MFSD2A: variants seen among roughly 807,000 people sequenced by gnomAD.
MFSD2A encodes sodium-dependent lysophosphatidylcholine symporter 1.
MFSD2A carries 27 observed loss-of-function variants against 64.7 expected under a neutral mutation model. The observed-to-expected ratio is 0.42, with a 90% CI of 0.31 to 0.58. The LOEUF (loss-of-function observed/expected upper bound fraction) is 0.58, where lower values mean the gene tolerates loss of function less well. Ranked by LOEUF, MFSD2A falls within the 20% of genes least tolerant of loss-of-function variation. The probability of loss-of-function intolerance (pLI) is 0.18; values close to 1 mark genes in which losing one functional copy is unlikely to be tolerated. For synonymous variants in MFSD2A, 258 were observed against 273.4 expected, an observed-to-expected ratio of 0.94 and a Z score of 0.55; for missense variants, 474 against 679.5, an observed-to-expected ratio of 0.70 and a Z score of 3.36.
rs1297205577 is a variant in MFSD2A, at chr1:39,960,515, C to T, written c.353+1690C>T. On this transcript the variant is annotated intron_variant, in intron 3 of 13. Transcript: ENST00000372811. This position sits in a 1 kb window ranked among gnomAD's most constrained non-coding sequence, Gnocchi z 4.8. Reference sequence around the variant, plus strand: ...GCTCCCCCGGCGCCAGCCCGTGAGACTTGGCCCTGTGCCCGCCTCCCTGGC... The same window carrying T: ...GCTCCCCCGGCGCCAGCCCGTGAGATTTGGCCCTGTGCCCGCCTCCCTGGC... 6.6e-6 allele frequency among the ~76,000 whole-genome samples: 1 copy of T among 152,252 alleles called. No individual in the cohort carries two copies. The highest frequency in any genetic ancestry group is 1.5e-5 in the Non-Finnish European group (1 of 68,044).
At chr1:39,967,550 C>T in intron 9 of MFSD2A, 78 bp from the exon 10 acceptor site, 1 of 1,374,034 alleles carries the variant, frequency 7.3e-7, no homozygotes, top group South Asian at 1.2e-5. Context: ...CTGGGAGCCA[C>T]TTTGGGGTTC....
At position 39,958,919 on chromosome 1, in the gene MFSD2A, G is replaced by C; in HGVS notation, c.353+94G>C. 1 of 1,429,934 alleles carries C rather than the reference G, an allele frequency of 7.0e-7. No homozygotes were observed. Among genetic ancestry groups the C allele is most frequent in the Non-Finnish European group, 9.4e-7 (1 of 1,060,826 alleles). 88.6% of individuals were successfully genotyped at this position (1,429,934 alleles called of 1,614,324 possible). A position where few individuals can be genotyped will look rare whatever the true frequency, so the allele number is the denominator to read the frequency against. ...CTCTCTGTCTTGTCACAGGCAGAAG[G>C]GTGAGGAGAAGGAAGGAGTTAAAAG... On this transcript the variant is annotated intron_variant, in intron 3 of 13. Transcript: ENST00000372811. The surrounding 1 kb of genome is among the most constrained non-coding windows in gnomAD (Gnocchi z 4.7).
intron 13 of MFSD2A, among the ~76,000 whole-genome samples, chr1:39,969,049 A>G (rs1235412207): frequency 6.6e-6 from 1 of 152,096 alleles, no homozygotes; most frequent in Non-Finnish European, 1.5e-5. Context: ...CAACAACCCT[A>G]AGTATCAGGT....
intron 9 of MFSD2A, 71 bp from the exon 10 acceptor site, chr1:39,967,557 G>A: frequency 7.0e-7 from 1 of 1,436,366 alleles, no homozygotes; most frequent in African/African-American, 1.4e-5. Flanking sequence ...CCACTTTGGG[G>A]TTCTGGGAAG....
chr1:39,960,934 G>A lies in MFSD2A; in HGVS notation c.353+2109G>A, dbSNP rs1645026600. Among the ~76,000 whole-genome samples, 2 of 152,192 alleles carry A rather than the reference G, an allele frequency of 1.3e-5. No individual in the cohort carries two copies. The highest frequency in any genetic ancestry group is 6.5e-5 in the Admixed American group (1 of 15,278). On this transcript the variant is annotated intron_variant, in intron 3 of 13. Coordinates refer to ENST00000372811, the MANE Select transcript of MFSD2A (RefSeq NM_032793.5). The surrounding 1 kb of genome is among the most constrained non-coding windows in gnomAD (Gnocchi z 4.8). ...GCCTGTGTATGCCTGCACGCGGGAT[G>A]GCTCGTGGGCTGAAGGCTGGTGTGC...
chr1:39,968,084 C>A lies in MFSD2A; in HGVS notation c.1208+168C>A. On this transcript the variant is annotated intron_variant, in intron 11 of 13. Transcript: ENST00000372811. This position sits in a 1 kb window ranked among gnomAD's most constrained non-coding sequence, Gnocchi z 4.4. ...ACAGTTGTACAGGTAGTGAGCTTTGCAAGAACACCTAGTCAGAGTGAAAAA... is the reference window on the plus strand; with the variant it reads ...ACAGTTGTACAGGTAGTGAGCTTTGAAAGAACACCTAGTCAGAGTGAAAAA... The A allele has an allele frequency of 1.6e-6, 1 of 642,294 alleles. No homozygotes were observed. Among genetic ancestry groups the A allele is most frequent in the Non-Finnish European group, 2.7e-6 (1 of 374,252 alleles). 39.8% of individuals were successfully genotyped at this position (642,294 alleles called of 1,614,324 possible). A position where few individuals can be genotyped will look rare whatever the true frequency, so the allele number is the denominator to read the frequency against.
Position 39,957,121 on chromosome 1 carries a change from T to C in MFSD2A, c.128T>C (p.Val43Ala), listed in dbSNP as rs756621376. 20 of 1,614,098 alleles carry C rather than the reference T, an allele frequency of 1.2e-5. No homozygotes were observed. The highest frequency in any genetic ancestry group is 1.7e-5 in the Non-Finnish European group (20 of 1,179,998). ...EPKKKKQQLSVCNKLCYALGG... is the reference protein window; with the variant it reads ...EPKKKKQQLSACNKLCYALGG... ...AAAAAGAAGAAACAACAGTTGTCTGTTTGCAACAAGCTTTGCTATGCACTT... is the reference window on the plus strand; with the variant it reads ...AAAAAGAAGAAACAACAGTTGTCTGCTTGCAACAAGCTTTGCTATGCACTT... The change falls in exon 2 of 14, where the codon GTT (valine) becomes GCT (alanine). Residue 43 changes from valine (V) to alanine (A), a missense_variant. Val to Ala is a moderately conservative substitution (Grantham distance 64, BLOSUM62 0). Coordinates refer to ENST00000372811, the MANE Select transcript of MFSD2A (RefSeq NM_032793.5).
At chr1:39,961,985 C>G (rs1040505649) in intron 3 of MFSD2A, among the ~76,000 whole-genome samples, 1 of 152,206 alleles carries the variant, frequency 6.6e-6, no homozygotes, top group Non-Finnish European at 1.5e-5. Flanking sequence ...GTTACGCATG[C>G]CAACTCTCCT....
At position 39,968,897 on chromosome 1, in the gene MFSD2A, G is replaced by T. The variant is rs1312238210; in HGVS notation, c.1529+152G>T. The T allele has an allele frequency of 2.4e-6, 2 of 823,158 alleles. No individual in the cohort carries two copies. The highest frequency in any genetic ancestry group is 3.8e-6 in the Non-Finnish European group (2 of 531,504). 51.0% of individuals were successfully genotyped at this position (823,158 alleles called of 1,614,324 possible). On this transcript the variant is annotated intron_variant, in intron 13 of 13. Coordinates refer to ENST00000372811, the MANE Select transcript of MFSD2A (RefSeq NM_032793.5). The surrounding 1 kb of genome is among the most constrained non-coding windows in gnomAD (Gnocchi z 4.4). ...AAGTACGCACCAGGCACTGTGTTAA[G>T]TGGTCTTACCTTTATTCAACAAATA...
In MFSD2A at chr1:39,966,584, C is replaced by G. The variant is rs779979595; in HGVS notation, c.715-17C>G. ...TCAAACTGACCATCCTTGTATGTCG[C>G]CTTCACCTCCTTATAGCAAAAGGCA... On this transcript the variant is annotated splice_polypyrimidine_tract_variant and intron_variant, in intron 6 of 13. Transcript: ENST00000372811. 8.8e-6 allele frequency: 14 copies of G among 1,594,090 alleles called. No individual in the cohort carries two copies. Among genetic ancestry groups the G allele is most frequent in the East Asian group, 2.2e-5 (1 of 44,746 alleles).
chr1:39,960,093 C>A lies in MFSD2A; in HGVS notation c.353+1268C>A, dbSNP rs538533641. 6.6e-6 allele frequency among the ~76,000 whole-genome samples: 1 copy of A among 152,376 alleles called. No homozygotes were observed. Among genetic ancestry groups the A allele is most frequent in the Admixed American group, 6.5e-5 (1 of 15,312 alleles). ...ACGTAAATTACCTTCTCCCTTGGTACAAAGCCTGTGCTACTCAGCTTCAGG... is the reference window on the plus strand; with the variant it reads ...ACGTAAATTACCTTCTCCCTTGGTAAAAAGCCTGTGCTACTCAGCTTCAGG... On this transcript the variant is annotated intron_variant, in intron 3 of 13. Coordinates refer to ENST00000372811, the MANE Select transcript of MFSD2A (RefSeq NM_032793.5). This position sits in a 1 kb window ranked among gnomAD's most constrained non-coding sequence, Gnocchi z 4.8.
At position 39,963,802 on chromosome 1, in the gene MFSD2A, T is replaced by C. The variant is rs138995031; in HGVS notation, c.354-1409T>C. ...CAGGCTGGAGTGCAGTGGTGCGATC[T>C]CGGCTCACTGCAACCTCTGCCTCCC... On this transcript the variant is annotated intron_variant, in intron 3 of 13. Coordinates refer to ENST00000372811, the MANE Select transcript of MFSD2A (RefSeq NM_032793.5). This position sits in a 1 kb window ranked among gnomAD's most constrained non-coding sequence, Gnocchi z 4.2. Among the ~76,000 whole-genome samples, 2,661 of 152,336 alleles carry C rather than the reference T, an allele frequency of 0.017. 32 individuals are homozygous for C. Among genetic ancestry groups the C allele is most frequent in the Non-Finnish European group, 0.031 (2,092 of 68,024 alleles).
At chr1:39,962,624 C>T (rs368243700) in intron 3 of MFSD2A, 17 of 825,538 alleles carry the variant, frequency 2.1e-5, no homozygotes, top group Admixed American at 1.0e-4. Flanking sequence ...GTGCCTTCCG[C>T]GGAGGTTTCG....
Position 39,967,137 on chromosome 1 carries a change from A to G in MFSD2A, c.979A>G (p.Asn327Asp). 6.2e-7 allele frequency: 1 copy of G among 1,614,104 alleles called. No homozygotes were observed. The highest frequency in any genetic ancestry group is 8.5e-7 in the Non-Finnish European group (1 of 1,180,000). Reference sequence around the variant, plus strand: ...TTGCACCTACACCTTGGGCTTCCGCAATGAATTCCAGAATCTACTCCTGGC... The same window carrying G: ...TTGCACCTACACCTTGGGCTTCCGCGATGAATTCCAGAATCTACTCCTGGC... ...LFCTYTLGFRNEFQNLLLAIM... is the reference protein window; with the variant it reads ...LFCTYTLGFRDEFQNLLLAIM... Residue 327 changes from asparagine to aspartate, a missense_variant, in exon 9 of 14, where the codon AAT becomes GAT. Physicochemically the swap from Asn to Asp is conservative, Grantham distance 23. Transcript: ENST00000372811.
Position 39,958,579 on chromosome 1 carries a change from G to A in MFSD2A, c.229-122G>A, listed in dbSNP as rs568011383. On this transcript the variant is annotated intron_variant, in intron 2 of 13. Coordinates refer to ENST00000372811, the MANE Select transcript of MFSD2A (RefSeq NM_032793.5). This position sits in a 1 kb window ranked among gnomAD's most constrained non-coding sequence, Gnocchi z 4.7. Reference sequence around the variant, plus strand: ...GTGAAGATGTGTAAGGTCCATGTGGGAGCAGCTCAGGGTCACAAGATCCTG... The same window carrying A: ...GTGAAGATGTGTAAGGTCCATGTGGAAGCAGCTCAGGGTCACAAGATCCTG... The A allele has an allele frequency of 6.7e-7, 1 of 1,491,344 alleles. No individual in the cohort carries two copies. The highest frequency in any genetic ancestry group is 9.3e-7 in the Non-Finnish European group (1 of 1,072,388). 92.4% of individuals were successfully genotyped at this position (1,491,344 alleles called of 1,614,324 possible).
At position 39,968,354 on chromosome 1, in the gene MFSD2A, T is replaced by C. The variant is rs1645208128; in HGVS notation, c.1229T>C (p.Ile410Thr). 6.2e-7 allele frequency: 1 copy of C among 1,614,074 alleles called. No individual in the cohort carries two copies. Among genetic ancestry groups the C allele is most frequent in the Non-Finnish European group, 8.5e-7 (1 of 1,180,036 alleles). Residue 410 changes from isoleucine to threonine, a missense_variant, in exon 12 of 14, where the codon ATT becomes ACT. Coordinates refer to ENST00000372811, the MANE Select transcript of MFSD2A (RefSeq NM_032793.5). The surrounding 1 kb of genome is among the most constrained non-coding windows in gnomAD (Gnocchi z 4.4). ...LLPWSMLPDV[I>T]DDFHLKQPHF... ...CGCAGGTCCATGCTGCCTGATGTCA[T>C]TGACGACTTCCATCTGAAGCAGCCC...
rs1473131317 is a variant in MFSD2A at position 39,963,478 on chromosome 1, T to C, written c.354-1733T>C. ...ATGTTTACGAGACAGAGTCTTGCTA[T>C]GTTGCACAGGCTGGACTCAAACTCC... On this transcript the variant is annotated intron_variant, in intron 3 of 13. Coordinates refer to ENST00000372811, the MANE Select transcript of MFSD2A (RefSeq NM_032793.5). The surrounding 1 kb of genome is among the most constrained non-coding windows in gnomAD (Gnocchi z 4.2). The C allele has an allele frequency of 2.0e-6, 1 of 507,846 alleles. No homozygotes were observed. Among genetic ancestry groups the C allele is most frequent in the Non-Finnish European group, 3.5e-6 (1 of 286,378 alleles). 31.5% of individuals were successfully genotyped at this position (507,846 alleles called of 1,614,324 possible). A position where few individuals can be genotyped will look rare whatever the true frequency, so the allele number is the denominator to read the frequency against.
chr1:39,966,652 T>C lies in MFSD2A; in HGVS notation c.766T>C (p.Cys256Arg). Residue 256 changes from cysteine (C) to arginine (R), a missense_variant, in exon 7 of 14, where the codon TGT (cysteine) becomes CGT (arginine). Cys to Arg is a radical substitution (Grantham distance 180, BLOSUM62 -3). Coordinates refer to ENST00000372811, the MANE Select transcript of MFSD2A (RefSeq NM_032793.5). ...AGVIVCIYIICAVILILGVRE... is the reference protein window; with the variant it reads ...AGVIVCIYIIRAVILILGVRE... ...GGTCATTGTCTGTATCTATATAATC[T>C]GTGCTGTCATCCTGATCCTGGGCGT... The C allele has an allele frequency of 6.2e-7, 1 of 1,614,088 alleles. No homozygotes were observed. Among genetic ancestry groups the C allele is most frequent in the Non-Finnish European group, 8.5e-7 (1 of 1,179,980 alleles).
rs1287222592 is a variant in MFSD2A at position 39,963,574 on chromosome 1, C to T, written c.354-1637C>T. Among the ~76,000 whole-genome samples, 1 of 152,016 alleles carries T rather than the reference C, an allele frequency of 6.6e-6. No homozygotes were observed. Among genetic ancestry groups the T allele is most frequent in the Admixed American group, 6.6e-5 (1 of 15,266 alleles). On this transcript the variant is annotated intron_variant, in intron 3 of 13. Transcript: ENST00000372811. The surrounding 1 kb of genome is among the most constrained non-coding windows in gnomAD (Gnocchi z 4.2). ...TAACAGGCATGTGCCACTGCCATTACAGCCATTTTTAAGTGTACAGTTCAG... is the reference window on the plus strand; with the variant it reads ...TAACAGGCATGTGCCACTGCCATTATAGCCATTTTTAAGTGTACAGTTCAG...
Sources: allele counts gnomAD v4.1 joint callset (sites outside exome capture counted in the v4.1 genomes callset), GRCh38; gene constraint gnomAD v4.1.1; non-coding constraint Gnocchi (gnomAD v3.1); transcripts MANE v1.5; gene names NCBI Gene and HGNC (gene_info 2026-07-23, HGNC 2026-07-21).